Variants in KCNB2 observed in about 807,000 individuals in gnomAD.
KCNB2 encodes the protein potassium voltage-gated channel subfamily B member 2.
A neutral mutation model predicts 61.5 loss-of-function variants in KCNB2; 15 were observed. The ratio of observed to expected loss-of-function variants is 0.24; its 90% CI spans 0.16 to 0.38. The LOEUF (loss-of-function observed/expected upper bound fraction) is 0.38. Among genes scored for constraint, KCNB2 ranks in the 10% least tolerant of loss-of-function variants. The pLI is 1.00. For synonymous variants in KCNB2, 457 were observed against 446.0 expected (o/e 1.02, Z -0.31); for missense variants, 828 against 1,125.2 (o/e 0.74, Z 3.78).
intron 2 of KCNB2, among the ~76,000 whole-genome samples, chr8:72,733,073 G>C (rs1807777478): frequency 6.6e-6 from 1 of 152,114 alleles, no homozygotes. Flanking sequence ...AAAATAGAGA[G>C]AAGGTATGGA....
At chr8:72,796,783 T>C (rs1366491025) in intron 2 of KCNB2, among the ~76,000 whole-genome samples, 5 of 152,192 alleles carry the variant, frequency 3.3e-5, no homozygotes, top group Admixed American at 2.6e-4. Context: ...TTATAGTAGC[T>C]AAAATAATTG....
At chr8:72,731,054 T>A (rs1207826197) in intron 2 of KCNB2, among the ~76,000 whole-genome samples, 1 of 152,130 alleles carries the variant, frequency 6.6e-6, no homozygotes, top group African/African-American at 2.4e-5. Flanking sequence ...TTGCTGGATG[T>A]GAGATGTGGA....
intron 2 of KCNB2, among the ~76,000 whole-genome samples, chr8:72,653,915 C>G (rs555434657): frequency 5.3e-5 from 8 of 152,300 alleles, no homozygotes; most frequent in African/African-American, 1.9e-4. Context: ...AGAAAGATAT[C>G]TGGGTTCTTT....
chr8:72,780,937 C>G (rs1178869563), intron 2 of KCNB2, among the ~76,000 whole-genome samples: 1 of 152,098 alleles, frequency 6.6e-6, no homozygotes, highest in African/African-American at 2.4e-5. Flanking sequence ...CAGATGGTAT[C>G]TCATTGTGGT....
rs1051086928 is a variant in KCNB2 at position 72,767,915 on chromosome 8, G to C, written c.580-168020G>C. Among the ~76,000 whole-genome samples, 5 of 147,734 alleles carry C rather than the reference G, an allele frequency of 3.4e-5. No homozygotes were observed. In the Admixed American group the frequency reaches 3.5e-4, roughly 10 times the overall value. On this transcript the variant is annotated intron_variant, in intron 2 of 2. Transcript: ENST00000523207. ...CTTTTTTATTATAGCCATCCTCCTG[G>C]GTATGCAGAGGTATCTCATTGTGAT...
intron 2 of KCNB2, among the ~76,000 whole-genome samples, chr8:72,594,345 C>G (rs147295002): frequency 8.1e-4 from 124 of 152,244 alleles, no homozygotes; most frequent in African/African-American, 2.9e-3. Context: ...TGGTCCACCC[C>G]CTTCTCTGGT....
chr8:72,895,545 G>C (rs1216978750), intron 2 of KCNB2, among the ~76,000 whole-genome samples: 1 of 152,170 alleles, frequency 6.6e-6, no homozygotes, highest in Non-Finnish European at 1.5e-5. Flanking sequence ...AGAACTGCCA[G>C]ATAATAAATC....
chr8:72,842,434 T>A (rs1367365939), intron 2 of KCNB2, among the ~76,000 whole-genome samples: 2 of 152,230 alleles, frequency 1.3e-5, no homozygotes, highest in African/African-American at 4.8e-5. Flanking sequence ...GGTATCAGGA[T>A]GATGCTGGCC....
At chr8:72,713,149 A>T (rs1210578756) in intron 2 of KCNB2, among the ~76,000 whole-genome samples, 1 of 152,238 alleles carries the variant, frequency 6.6e-6, no homozygotes, top group Non-Finnish European at 1.5e-5. Flanking sequence ...GAGTCGGTAA[A>T]CAAAGTGGCC....
intron 2 of KCNB2, among the ~76,000 whole-genome samples, chr8:72,716,609 A>G (rs1186919576): frequency 6.6e-6 from 1 of 152,250 alleles, no homozygotes; most frequent in Non-Finnish European, 1.5e-5. Flanking sequence ...ACAAAATTCA[A>G]CAACACTTCA....
intron 2 of KCNB2, among the ~76,000 whole-genome samples, chr8:72,830,144 T>C (rs1809667911): frequency 6.9e-6 from 1 of 144,420 alleles, no homozygotes; most frequent in Admixed American, 7.4e-5. Context: ...CATCATAATC[T>C]CCTTGCCTTC....
At chr8:72,590,492 A>G (rs1807078406) in intron 2 of KCNB2, among the ~76,000 whole-genome samples, 1 of 152,224 alleles carries the variant, frequency 6.6e-6, no homozygotes, top group Non-Finnish European at 1.5e-5. Context: ...ATCATATGAC[A>G]TACGTGCCAC....
chr8:72,684,592 T>G (rs917884906), intron 2 of KCNB2, among the ~76,000 whole-genome samples: 1 of 152,184 alleles, frequency 6.6e-6, no homozygotes, highest in African/African-American at 2.4e-5. Context: ...ATAAGAAGGT[T>G]TGAGAAATCT....
chr8:72,585,213 C>G (rs977146884), intron 2 of KCNB2, among the ~76,000 whole-genome samples: 1 of 152,176 alleles, frequency 6.6e-6, no homozygotes, highest in African/African-American at 2.4e-5. Context: ...AAGTGGCAGA[C>G]TATAGACAAG....
At chr8:72,593,180 T>A (rs544600657) in intron 2 of KCNB2, among the ~76,000 whole-genome samples, 1 of 152,222 alleles carries the variant, frequency 6.6e-6, no homozygotes, top group Admixed American at 6.5e-5. Context: ...TGATTGTTTG[T>A]CTACATCCTT....
chr8:72,900,399 G>T (rs185487372), intron 2 of KCNB2, among the ~76,000 whole-genome samples: 43 of 152,194 alleles, frequency 2.8e-4, no homozygotes, highest in Admixed American at 2.8e-3. Flanking sequence ...AATCCTAAGA[G>T]AAAACCCAGG....
At chr8:72,548,230 T>C (rs957778624) in intron 1 of KCNB2, among the ~76,000 whole-genome samples, 1 of 152,254 alleles carries the variant, frequency 6.6e-6, no homozygotes, top group African/African-American at 2.4e-5. Context: ...ATTTGCTTTT[T>C]TGCCGTGGTC....
At chr8:72,935,126 G>A (rs1343027028) in intron 2 of KCNB2, among the ~76,000 whole-genome samples, 1 of 152,054 alleles carries the variant, frequency 6.6e-6, no homozygotes, top group Non-Finnish European at 1.5e-5. Context: ...CCCAATAAGT[G>A]GTAAAGCCAG....
intron 2 of KCNB2, among the ~76,000 whole-genome samples, chr8:72,776,076 A>T (rs951783797): frequency 6.6e-6 from 1 of 152,182 alleles, no homozygotes; most frequent in Non-Finnish European, 1.5e-5. Flanking sequence ...CAGCCATAAA[A>T]AAGGATGAGT....
Sources: allele counts gnomAD v4.1 joint callset (sites outside exome capture counted in the v4.1 genomes callset), GRCh38; gene constraint gnomAD v4.1.1; transcripts MANE v1.5; gene names NCBI Gene and HGNC (gene_info 2026-07-23, HGNC 2026-07-21).